The following NEK6 variants were observed in gnomAD, a reference collection of about 807,000 sequenced individuals.
NEK6 encodes serine/threonine-protein kinase Nek6.
Under a neutral mutation model 43.5 loss-of-function variants are expected in NEK6, and 27 were observed. That is an observed-to-expected ratio of 0.62 (90% CI 0.46 to 0.86). NEK6 has a LOEUF of 0.86. Ranked by LOEUF, NEK6 falls within the 40% of genes least tolerant of loss-of-function variation. The pLI, the probability that NEK6 is intolerant of heterozygous loss-of-function variation, is 0.00. For synonymous variants in NEK6, 167 were observed against 164.1 expected, an observed-to-expected ratio of 1.02 and a Z score of -0.14; for missense variants, 318 against 414.4, an observed-to-expected ratio of 0.77 and a Z score of 2.02.
intron 2 of NEK6, among the ~76,000 whole-genome samples, chr9:124,307,666 G>A (rs1025345979): frequency 2.0e-5 from 3 of 152,228 alleles, no homozygotes; most frequent in African/African-American, 4.8e-5. Flanking sequence ...GGAGCCTGAG[G>A]AGTCAGAGGT....
At chr9:124,341,121 C>T (rs1457094968) in intron 8 of NEK6, among the ~76,000 whole-genome samples, 4 of 152,106 alleles carry the variant, frequency 2.6e-5, no homozygotes, top group Non-Finnish European at 5.9e-5. Flanking sequence ...CGGCTCACTG[C>T]GGCCTCCACC....
rs113040648 is a variant in NEK6, at chr9:124,264,575, C to T, written c.-30+6490C>T. On this transcript the variant is annotated intron_variant, in intron 1 of 9. Coordinates refer to ENST00000320246, the MANE Select transcript of NEK6 (RefSeq NM_014397.6). ...ATCCCAGCACTTTGAGAGGCCGAGGCGGGCAGATCACTTGAGGTCAGGAGT... is the reference window on the plus strand; with the variant it reads ...ATCCCAGCACTTTGAGAGGCCGAGGTGGGCAGATCACTTGAGGTCAGGAGT... Among the ~76,000 whole-genome samples the T allele has an allele frequency of 4.7e-3, 717 of 152,116 alleles. 7 individuals carry two copies. Among genetic ancestry groups the T allele is most frequent in the African/African-American group, 0.017 (684 of 41,424 alleles).
chr9:124,314,417 C>T (rs1027181523), intron 4 of NEK6, among the ~76,000 whole-genome samples: 5 of 151,802 alleles, frequency 3.3e-5, no homozygotes, highest in African/African-American at 1.2e-4. Flanking sequence ...CTGTTTTTCT[C>T]TTTCTCATCC....
In NEK6 at chr9:124,275,106, G is replaced by A. The variant is rs1046030993; in HGVS notation, c.-30+17021G>A. Among the ~76,000 whole-genome samples, 1 of 152,194 alleles carries A rather than the reference G, an allele frequency of 6.6e-6. No individual in the cohort carries two copies. The highest frequency in any genetic ancestry group is 1.5e-5 in the Non-Finnish European group (1 of 68,032). On this transcript the variant is annotated intron_variant, in intron 1 of 9. Coordinates refer to ENST00000320246, the MANE Select transcript of NEK6 (RefSeq NM_014397.6). This position sits in a 1 kb window ranked among gnomAD's most constrained non-coding sequence, Gnocchi z 4.4. ...ATCCCAGTAAACTCCAGGAGGGTGA[G>A]ACTGTGCACAGCACACAGTGGGAAT...
At chr9:124,270,210 C>G (rs1425373410) in intron 1 of NEK6, among the ~76,000 whole-genome samples, 1 of 152,150 alleles carries the variant, frequency 6.6e-6, no homozygotes, top group Non-Finnish European at 1.5e-5. Flanking sequence ...ACAGAGGCCT[C>G]GAAAGGTTGA....
At chr9:124,347,967 G>A in intron 9 of NEK6, 145 bp downstream of exon 9, 3 of 545,308 alleles carry the variant, frequency 5.5e-6, no homozygotes, top group Non-Finnish European at 6.5e-6. Context: ...AAAGTGACTT[G>A]GAGAGGGGAA....
intron 5 of NEK6, among the ~76,000 whole-genome samples, chr9:124,323,833 T>C (rs1834193683): frequency 6.6e-6 from 1 of 152,168 alleles, no homozygotes; most frequent in Admixed American, 6.5e-5. Context: ...AGGCCTGGGA[T>C]GGGGTGTCTC....
chr9:124,284,327 C>T (rs748312415), intron 1 of NEK6, among the ~76,000 whole-genome samples: 4 of 152,178 alleles, frequency 2.6e-5, no homozygotes, highest in Admixed American at 1.3e-4. Flanking sequence ...CCATACTGGG[C>T]GAAGACCGAG....
At chr9:124,317,689 G>A (rs1588505007) in intron 4 of NEK6, among the ~76,000 whole-genome samples, 1 of 152,276 alleles carries the variant, frequency 6.6e-6, no homozygotes, top group Admixed American at 6.5e-5. Flanking sequence ...GCCCCCTCTT[G>A]TAGAGCCCAG....
At chr9:124,290,054 T>C (rs1473130975) in intron 1 of NEK6, among the ~76,000 whole-genome samples, 1 of 152,236 alleles carries the variant, frequency 6.6e-6, no homozygotes, top group Non-Finnish European at 1.5e-5. Context: ...GGGGTTGCCA[T>C]GGTGTGGCCC....
chr9:124,324,553 G>A lies in NEK6; in HGVS notation c.406-1777G>A, dbSNP rs189413264. On this transcript the variant is annotated intron_variant, in intron 5 of 9. Transcript: ENST00000320246. The surrounding 1 kb of genome is among the most constrained non-coding windows in gnomAD (Gnocchi z 5.3). ...TTAGAAAATCACCACTCTCGGCCAC[G>A]CGCGTCCCTGCTTAAATGCTGTAAT... Among the ~76,000 whole-genome samples, 5 of 152,268 alleles carry A rather than the reference G, an allele frequency of 3.3e-5. No homozygotes were observed. The highest frequency in any genetic ancestry group is 9.6e-5 in the African/African-American group (4 of 41,564).
At chr9:124,315,312 G>A (rs1416168642) in intron 4 of NEK6, among the ~76,000 whole-genome samples, 1 of 152,178 alleles carries the variant, frequency 6.6e-6, no homozygotes, top group East Asian at 1.9e-4. Context: ...GATTATGGGA[G>A]GTTGGGGAGA....
chr9:124,341,556 G>A (rs56180592), intron 8 of NEK6, among the ~76,000 whole-genome samples: 178 of 152,312 alleles, frequency 1.2e-3, no homozygotes, highest in Non-Finnish European at 1.9e-3. Flanking sequence ...ACAGGGCATC[G>A]GTTGCAGGAG....
chr9:124,329,107 C>A (rs1828831382), intron 7 of NEK6, among the ~76,000 whole-genome samples: 2 of 152,240 alleles, frequency 1.3e-5, no homozygotes, highest in African/African-American at 2.4e-5. Context: ...CCGTTGGAGT[C>A]CCCCTTTGGG....
chr9:124,273,959 G>A (rs868060824), intron 1 of NEK6, among the ~76,000 whole-genome samples: 5 of 152,112 alleles, frequency 3.3e-5, no homozygotes, highest in Admixed American at 6.5e-5. Context: ...CCCCCATTCC[G>A]TCTTGCCTCA....
At chr9:124,309,499 A>G (rs1833427122) in intron 2 of NEK6, among the ~76,000 whole-genome samples, 1 of 152,164 alleles carries the variant, frequency 6.6e-6, no homozygotes, top group Admixed American at 6.5e-5. Context: ...CCTGGGGGAA[A>G]CTGAGGCCCA....
At chr9:124,314,006 G>A (rs757144733) in intron 4 of NEK6, 21 bp downstream of exon 4, 74 of 1,612,790 alleles carry the variant, frequency 4.6e-5, no homozygotes, top group Non-Finnish European at 5.7e-5. Flanking sequence ...TGGGCCGAGC[G>A]GGAGCTTTGC....
rs1830323756 is a variant in NEK6 at position 124,352,513 on chromosome 9, AG to A, written c.*1568del. On this transcript the variant is annotated 3_prime_UTR_variant, in exon 10 of 10. Transcript: ENST00000320246. ...ACAGCGTCTGCAGCACAATTTCTTG[AG>A]GAACCTTGAAAAACACAACTTCCCA... is the stretch of plus-strand genomic sequence containing the variant. The A allele has an allele frequency of 6.6e-6, 1 of 152,240 alleles. No homozygotes were observed. The highest frequency in any genetic ancestry group is 2.1e-4 in the South Asian group (1 of 4,830). 9.4% of individuals were successfully genotyped at this position (152,240 alleles called of 1,614,324 possible).
At chr9:124,289,784 A>G (rs1478348449) in intron 1 of NEK6, among the ~76,000 whole-genome samples, 2 of 152,238 alleles carry the variant, frequency 1.3e-5, no homozygotes, top group Admixed American at 6.5e-5. Flanking sequence ...CTGCACAAGA[A>G]GGGCGCTTCT....
Sources: allele counts gnomAD v4.1 joint callset (sites outside exome capture counted in the v4.1 genomes callset), GRCh38; gene constraint gnomAD v4.1.1; non-coding constraint Gnocchi (gnomAD v3.1); transcripts MANE v1.5; gene names NCBI Gene and HGNC (gene_info 2026-07-23, HGNC 2026-07-21).